The following CUX2 variants were observed in gnomAD, a reference collection of about 807,000 sequenced individuals.
CUX2 encodes cut like homeobox 2.
CUX2 carries 40 observed loss-of-function variants against 144.8 expected under a neutral mutation model. That is an observed-to-expected ratio of 0.28 (90% CI 0.21 to 0.36). The LOEUF (loss-of-function observed/expected upper bound fraction) is 0.36. Among genes scored for constraint, CUX2 ranks in the 10% least tolerant of loss-of-function variants. The pLI is 1.00. For synonymous variants in CUX2, 827 were observed against 875.6 expected (o/e 0.94, Z 0.98); for missense variants, 1,615 against 1,994.0 (o/e 0.81, Z 3.62).
At chr12:111,182,051 A>G (rs928413629) in intron 1 of CUX2, among the ~76,000 whole-genome samples, 2 of 151,970 alleles carry the variant, frequency 1.3e-5, no homozygotes, top group African/African-American at 4.8e-5. Context: ...AGGTGGGGGG[A>G]CATTTGTTTA....
intron 1 of CUX2, among the ~76,000 whole-genome samples, chr12:111,193,209 G>A (rs1281460085): frequency 1.3e-5 from 2 of 152,172 alleles, no homozygotes; most frequent in Non-Finnish European, 2.9e-5. Context: ...AGGGAGACGT[G>A]GAATTACCCA....
Position 111,349,806 on chromosome 12 carries a change from GT to G in CUX2, c.*1482del, listed in dbSNP as rs1888978396. 6.6e-6 allele frequency: 1 copy of G among 152,202 alleles called. No homozygotes were observed. Among genetic ancestry groups the G allele is most frequent in the African/African-American group, 2.4e-5 (1 of 41,442 alleles). The allele number at this position is 152,202 out of a possible 1,614,324, so 9.4% of individuals were successfully genotyped here. ...ACTGTCCATGGGAAGGCTGAATTGA[GT>G]GACTCCCCAGAATGAAGATGAGAAG... On this transcript the variant is annotated 3_prime_UTR_variant, in exon 22 of 22. Coordinates refer to ENST00000261726, the MANE Select transcript of CUX2 (RefSeq NM_015267.4).
rs1019221120 is a variant in CUX2, at chr12:111,240,004, C to T, written c.222+22067C>T. On this transcript the variant is annotated intron_variant, in intron 3 of 21. Coordinates refer to ENST00000261726, the MANE Select transcript of CUX2 (RefSeq NM_015267.4). ...AAATGCGGCCAAGTGAGCTTCACAG[C>T]AGAATTGGTTATAATATTAGCTGTG... Among the ~76,000 whole-genome samples the T allele has an allele frequency of 2.6e-5, 4 of 152,230 alleles. No homozygotes were observed. In the East Asian group the frequency reaches 7.7e-4, roughly 29 times the overall value.
chr12:111,060,265 A>G (rs560759822), intron 1 of CUX2, among the ~76,000 whole-genome samples: 1 of 152,274 alleles, frequency 6.6e-6, no homozygotes, highest in Admixed American at 6.5e-5. Flanking sequence ...CAAATCCCCC[A>G]GCCAGGGTTA....
In CUX2 at chr12:111,277,049, GAT is replaced by G. The variant is rs1275304622; in HGVS notation, c.301+13213_301+13214del. Among the ~76,000 whole-genome samples the G allele has an allele frequency of 6.6e-6, 1 of 152,204 alleles. No individual in the cohort carries two copies. Among genetic ancestry groups the G allele is most frequent in the African/African-American group, 2.4e-5 (1 of 41,434 alleles). ...CAGTTCCTCTGAGCTCTTGGCTCAG[GAT>G]ATCAGGTGGGGGTCTCATCTGCCCC... On this transcript the variant is annotated intron_variant, in intron 4 of 21. Transcript: ENST00000261726. The surrounding 1 kb of genome is among the most constrained non-coding windows in gnomAD (Gnocchi z 5.0).
intron 1 of CUX2, among the ~76,000 whole-genome samples, chr12:111,204,432 T>TGGATAGATGGATGGGTGGATGGAC (rs1425266002): frequency 1.3e-5 from 2 of 151,936 alleles, no homozygotes; most frequent in African/African-American, 4.8e-5. Flanking sequence ...AGTTATTGAG[T>TGGATAGATGGATGGGTGGATGGAC]GGATAGATGG....
intron 3 of CUX2, among the ~76,000 whole-genome samples, 158 bp downstream of exon 3, chr12:111,218,095 A>G (rs1881648460): frequency 6.6e-6 from 1 of 152,192 alleles, no homozygotes; most frequent in African/African-American, 2.4e-5. Flanking sequence ...CTGGTCTCCC[A>G]TCCGAATGGT....
intron 1 of CUX2, among the ~76,000 whole-genome samples, chr12:111,113,303 G>C (rs1242315501): frequency 6.6e-6 from 1 of 152,166 alleles, no homozygotes; most frequent in South Asian, 2.1e-4. Flanking sequence ...GACTGGTGGA[G>C]TTTTAATTTT....
chr12:111,203,564 A>AG (rs997750482), intron 1 of CUX2, among the ~76,000 whole-genome samples: 8 of 151,952 alleles, frequency 5.3e-5, no homozygotes, highest in African/African-American at 1.9e-4. Flanking sequence ...AAAAAAGAAA[A>AG]AAAAGAAAAA....
intron 1 of CUX2, among the ~76,000 whole-genome samples, chr12:111,165,303 G>T (rs1221397195): frequency 6.6e-6 from 1 of 152,076 alleles, no homozygotes; most frequent in East Asian, 1.9e-4. Flanking sequence ...GGTCATGGAG[G>T]GCCATGGTGA....
At position 111,186,780 on chromosome 12, in the gene CUX2, A is replaced by AT. The variant is rs780028474; in HGVS notation, c.64-27419dup. Among the ~76,000 whole-genome samples the AT allele has an allele frequency of 7.7e-6, 1 of 129,760 alleles. No homozygotes were observed. Among genetic ancestry groups the AT allele is most frequent in the Non-Finnish European group, 1.5e-5 (1 of 64,600 alleles). 85.1% of individuals were successfully genotyped at this position (129,760 alleles called of 152,430 possible). A position where few individuals can be genotyped will look rare whatever the true frequency, so the allele number is the denominator to read the frequency against. On this transcript the variant is annotated intron_variant, in intron 1 of 21. Transcript: ENST00000261726. This position sits in a 1 kb window ranked among gnomAD's most constrained non-coding sequence, Gnocchi z 4.4. ...GTATTAAAATCGATATGATGTGTGT[A>AT]TGTTTTTTTTTTTTTTGAGACAGAA...
chr12:111,320,893 C>A lies in CUX2; in HGVS notation c.2766+118C>A. The A allele has an allele frequency of 9.0e-7, 1 of 1,116,540 alleles. No individual in the cohort carries two copies. The highest frequency in any genetic ancestry group is 1.2e-6 in the Non-Finnish European group (1 of 838,456). The allele number at this position is 1,116,540 out of a possible 1,614,324, so 69.2% of individuals were successfully genotyped here. A position where few individuals can be genotyped will look rare whatever the true frequency, so the allele number is the denominator to read the frequency against. ...GGCCCAGGCCCTTCATTCCTGAGTCCTGCTGTCCCTGGGTCCCGCAGGAAG... is the reference window on the plus strand; with the variant it reads ...GGCCCAGGCCCTTCATTCCTGAGTCATGCTGTCCCTGGGTCCCGCAGGAAG... On this transcript the variant is annotated intron_variant, in intron 17 of 21. Transcript: ENST00000261726. The surrounding 1 kb of genome is among the most constrained non-coding windows in gnomAD (Gnocchi z 8.1).
chr12:111,208,989 G>A (rs1230116078), intron 1 of CUX2, among the ~76,000 whole-genome samples: 1 of 152,152 alleles, frequency 6.6e-6, no homozygotes, highest in Non-Finnish European at 1.5e-5. Flanking sequence ...AAGGGAAGGA[G>A]TCATTAGGTA....
At chr12:111,281,946 C>T (rs1885131588) in intron 4 of CUX2, among the ~76,000 whole-genome samples, 1 of 152,138 alleles carries the variant, frequency 6.6e-6, no homozygotes, top group Non-Finnish European at 1.5e-5. Flanking sequence ...CCTCGGACTG[C>T]AGCACGGCTC....
chr12:111,224,702 C>T (rs764023454), intron 3 of CUX2, among the ~76,000 whole-genome samples: 20 of 151,928 alleles, frequency 1.3e-4, no homozygotes, highest in Non-Finnish European at 2.8e-4. Context: ...GTTCTGACAG[C>T]AGGGGAGGGC....
chr12:111,099,728 C>T (rs745905441), intron 1 of CUX2: 7 of 455,952 alleles, frequency 1.5e-5, no homozygotes, highest in South Asian at 6.2e-5. Flanking sequence ...TATTGGGCGC[C>T]GAAACTGGGG....
chr12:111,175,821 T>G (rs1592804589), intron 1 of CUX2, among the ~76,000 whole-genome samples: 1 of 151,630 alleles, frequency 6.6e-6, no homozygotes, highest in Non-Finnish European at 1.5e-5. Flanking sequence ...AAAAAAAAAG[T>G]AAGCGGGGAT....
intron 1 of CUX2, among the ~76,000 whole-genome samples, chr12:111,155,674 G>A (rs1355491742): frequency 1.3e-5 from 2 of 152,124 alleles, no homozygotes; most frequent in East Asian, 1.9e-4. Context: ...CTGACTGCCC[G>A]ATTCACTAAA....
intron 1 of CUX2, among the ~76,000 whole-genome samples, chr12:111,207,655 T>C (rs919059546): frequency 2.0e-5 from 3 of 152,168 alleles, no homozygotes; most frequent in Non-Finnish European, 4.4e-5. Flanking sequence ...CAAGAGATAC[T>C]GTACATAAAG....
Sources: allele counts gnomAD v4.1 joint callset (sites outside exome capture counted in the v4.1 genomes callset), GRCh38; gene constraint gnomAD v4.1.1; non-coding constraint Gnocchi (gnomAD v3.1); transcripts MANE v1.5; gene names NCBI Gene and HGNC (gene_info 2026-07-23, HGNC 2026-07-21).